ESRRB: variants seen among roughly 807,000 people sequenced by gnomAD.
ESRRB encodes the protein steroid hormone receptor ERR2.
In ESRRB, 16 loss-of-function variants were observed where a neutral mutation model predicts 46.0. The ratio of observed to expected loss-of-function variants is 0.35; its 90% CI spans 0.24 to 0.53. ESRRB has a LOEUF of 0.53. Among genes scored for constraint, ESRRB ranks in the 20% least tolerant of loss-of-function variants. ESRRB has a pLI of 0.93. For missense variants in ESRRB, 488 were observed against 607.4 expected (o/e 0.80, Z 2.07); for synonymous variants, 246 against 259.6 (o/e 0.95, Z 0.50).
chr14:76,462,277 C>T (rs1595142101), intron 2 of ESRRB, among the ~76,000 whole-genome samples: 1 of 152,164 alleles, frequency 6.6e-6, no homozygotes. Flanking sequence ...GATGTCCCTG[C>T]CCAGAAGTGG....
At chr14:76,360,865 C>A (rs1227391226) in intron 1 of ESRRB, among the ~76,000 whole-genome samples, 1 of 152,174 alleles carries the variant, frequency 6.6e-6, no homozygotes, top group African/African-American at 2.4e-5. Flanking sequence ...CCATCCTTAG[C>A]TCCAATGACA....
At chr14:76,420,225 G>A (rs1886883238) in intron 1 of ESRRB, among the ~76,000 whole-genome samples, 1 of 152,152 alleles carries the variant, frequency 6.6e-6, no homozygotes, top group South Asian at 2.1e-4. Context: ...CTGCCAGAGA[G>A]CCAACTGTCT....
intron 2 of ESRRB, among the ~76,000 whole-genome samples, chr14:76,445,804 C>T (rs186994115): frequency 6.6e-6 from 1 of 151,870 alleles, no homozygotes; most frequent in Non-Finnish European, 1.5e-5. Context: ...CCTGCCACAG[C>T]CTCCCAAGAT....
chr14:76,478,050 C>G (rs1293793647), intron 3 of ESRRB, among the ~76,000 whole-genome samples: 1 of 152,132 alleles, frequency 6.6e-6, no homozygotes, highest in East Asian at 1.9e-4. Flanking sequence ...TATCATTATT[C>G]ATGTGATTTA....
intron 1 of ESRRB, among the ~76,000 whole-genome samples, chr14:76,395,325 T>G (rs1885631658): frequency 6.6e-6 from 1 of 152,180 alleles, no homozygotes; most frequent in African/African-American, 2.4e-5. Flanking sequence ...CCGAGGTCAC[T>G]TGAGGGTCTG....
At chr14:76,334,506 A>G (rs1179841876) in intron 1 of ESRRB, among the ~76,000 whole-genome samples, 3 of 152,106 alleles carry the variant, frequency 2.0e-5, no homozygotes, top group Non-Finnish European at 4.4e-5. Flanking sequence ...GGGAATATTA[A>G]TGATTCAATT....
At chr14:76,481,920 T>C in intron 3 of ESRRB, 96 bp from the exon 4 acceptor site, 2 of 1,098,086 alleles carry the variant, frequency 1.8e-6, no homozygotes, top group Middle Eastern at 2.0e-4. Context: ...AGCAAGGCCC[T>C]GAAGGACCCA....
rs577276869 is a variant in ESRRB at position 76,405,946 on chromosome 14, T to C, written c.50+29495T>C. Among the ~76,000 whole-genome samples the C allele has an allele frequency of 4.6e-5, 7 of 152,260 alleles. 1 individual carries two copies. Among genetic ancestry groups the C allele is most frequent in the Admixed American group, 3.3e-4 (5 of 15,304 alleles). On this transcript the variant is annotated intron_variant, in intron 1 of 6. Coordinates refer to ENST00000644823, the MANE Select transcript of ESRRB (RefSeq NM_001379180.1). ...AAAAAGGGAAAGAAAATCTAACCTATAAATTATTTTCTAACATAATGAAAT... is the reference window on the plus strand; with the variant it reads ...AAAAAGGGAAAGAAAATCTAACCTACAAATTATTTTCTAACATAATGAAAT...
intron 3 of ESRRB, among the ~76,000 whole-genome samples, chr14:76,470,104 C>T (rs8012274): frequency 0.013 from 2,008 of 151,988 alleles, 11 homozygotes; most frequent in Non-Finnish European, 0.021. Context: ...TGCATCACCA[C>T]GCCTGGTTAA....
rs1311317458 is a variant in ESRRB at position 76,376,701 on chromosome 14, T to C, written c.50+250T>C. Among the ~76,000 whole-genome samples, 1 of 152,184 alleles carries C rather than the reference T, an allele frequency of 6.6e-6. No homozygotes were observed. The highest frequency in any genetic ancestry group is 6.5e-5 in the Admixed American group (1 of 15,280). Reference sequence around the variant, plus strand: ...TTCAGGCAAGAGTGGCGCTTTCTCATGCACTTTCTCCCTTTCTCTCTCCTC... The same window carrying C: ...TTCAGGCAAGAGTGGCGCTTTCTCACGCACTTTCTCCCTTTCTCTCTCCTC... On this transcript the variant is annotated intron_variant, in intron 1 of 6. Transcript: ENST00000644823. The surrounding 1 kb of genome is among the most constrained non-coding windows in gnomAD (Gnocchi z 4.1).
chr14:76,442,343 G>T (rs1887954209), intron 2 of ESRRB, among the ~76,000 whole-genome samples: 2 of 152,128 alleles, frequency 1.3e-5, no homozygotes, highest in Admixed American at 1.3e-4. Flanking sequence ...AGGCATGGTG[G>T]CAGGTGCCTG....
At chr14:76,352,536 G>A (rs1003607797) in intron 1 of ESRRB, among the ~76,000 whole-genome samples, 2 of 152,216 alleles carry the variant, frequency 1.3e-5, no homozygotes, top group African/African-American at 4.8e-5. Context: ...ACAGGGCACC[G>A]GTTGGGGGCA....
intron 3 of ESRRB, among the ~76,000 whole-genome samples, chr14:76,470,828 C>T (rs1889349724): frequency 6.6e-6 from 1 of 152,126 alleles, no homozygotes; most frequent in Non-Finnish European, 1.5e-5. Context: ...AGCTGGTCTA[C>T]AGGCATGTGC....
At position 76,422,206 on chromosome 14, in the gene ESRRB, CTTTTTTT is replaced by C. The variant is rs552738537; in HGVS notation, c.51-17118_51-17112del. On this transcript the variant is annotated intron_variant, in intron 1 of 6. Coordinates refer to ENST00000644823, the MANE Select transcript of ESRRB (RefSeq NM_001379180.1). ...CGCACAGCCCTTGCCACATTTCCTTCTTTTTTTTTTTTTTTTTTTTTTTGAGATGGAG... is the reference window on the plus strand; with the variant it reads ...CGCACAGCCCTTGCCACATTTCCTTCTTTTTTTTTTTTTTTTGAGATGGAG... Among the ~76,000 whole-genome samples the C allele has an allele frequency of 1.5e-4, 14 of 94,774 alleles. 1 individual carries two copies. The Middle Eastern group carries it at 0.024, about 161-fold the overall frequency. 62.2% of individuals were successfully genotyped at this position (94,774 alleles called of 152,430 possible).
At chr14:76,390,614 C>T (rs570400988) in intron 1 of ESRRB, among the ~76,000 whole-genome samples, 4 of 152,332 alleles carry the variant, frequency 2.6e-5, no homozygotes, top group Admixed American at 2.6e-4. Flanking sequence ...TCCAGTGATG[C>T]CCCTATCCAA....
intron 1 of ESRRB, among the ~76,000 whole-genome samples, chr14:76,404,711 G>C (rs1421081235): frequency 1.3e-5 from 2 of 152,158 alleles, no homozygotes; most frequent in African/African-American, 4.8e-5. Flanking sequence ...TACACTTAAT[G>C]ATGGTTTTGA....
intron 1 of ESRRB, among the ~76,000 whole-genome samples, chr14:76,437,025 CTAAT>C (rs1189202896): frequency 1.3e-5 from 2 of 151,960 alleles, no homozygotes; most frequent in Admixed American, 6.6e-5. Flanking sequence ...TCAGGAGGGG[CTAAT>C]TAATTAATTA....
At chr14:76,454,486 A>C (rs1485247478) in intron 2 of ESRRB, among the ~76,000 whole-genome samples, 1 of 152,160 alleles carries the variant, frequency 6.6e-6, no homozygotes, top group Non-Finnish European at 1.5e-5. Flanking sequence ...AGAAGGGAAG[A>C]AAGTGTCACC....
intron 1 of ESRRB, among the ~76,000 whole-genome samples, chr14:76,358,387 GAAAGAA>G (rs1884420363): frequency 3.4e-5 from 2 of 58,368 alleles, no homozygotes; most frequent in African/African-American, 1.3e-4. Context: ...AAGAAAGAAA[GAAAGAA>G]AGAAAGAAAG....
Sources: allele counts gnomAD v4.1 joint callset (sites outside exome capture counted in the v4.1 genomes callset), GRCh38; gene constraint gnomAD v4.1.1; non-coding constraint Gnocchi (gnomAD v3.1); transcripts MANE v1.5; gene names NCBI Gene and HGNC (gene_info 2026-07-23, HGNC 2026-07-21).